The following DCC variants were observed in gnomAD, a reference collection of about 807,000 sequenced individuals.
DCC encodes the protein DCC netrin 1 receptor, also known as netrin receptor DCC.
A neutral mutation model predicts 172.5 loss-of-function variants in DCC; 58 were observed. The observed-to-expected ratio is 0.34, with a 90% CI of 0.27 to 0.42. The LOEUF (loss-of-function observed/expected upper bound fraction) is 0.42, where lower values mean the gene tolerates loss of function less well. Ranked by LOEUF, DCC falls within the 10% of genes least tolerant of loss-of-function variation. DCC has a pLI of 1.00. For synonymous variants in DCC, 709 were observed against 644.5 expected (o/e 1.10, Z -1.52); for missense variants, 1,740 against 1,791.0 (o/e 0.97, Z 0.51).
chr18:52,914,676 G>C (rs1772026251), intron 3 of DCC, among the ~76,000 whole-genome samples: 1 of 151,856 alleles, frequency 6.6e-6, no homozygotes, highest in Non-Finnish European at 1.5e-5. Context: ...GAGTTTCATG[G>C]AATTTTTCAC....
intron 1 of DCC, among the ~76,000 whole-genome samples, chr18:52,393,458 T>C (rs914742629): frequency 6.6e-5 from 10 of 152,058 alleles, no homozygotes; most frequent in African/African-American, 2.4e-4. Context: ...TAGCAATCCA[T>C]ATTTTAATCT....
At chr18:53,172,359 C>T (rs371565428) in intron 8 of DCC, among the ~76,000 whole-genome samples, 31 of 148,496 alleles carry the variant, frequency 2.1e-4, no homozygotes, top group East Asian at 1.5e-3. Flanking sequence ...AAAACTGTTG[C>T]GTACTATACT....
chr18:53,083,395 A>G (rs956605491), intron 7 of DCC, among the ~76,000 whole-genome samples: 3 of 152,180 alleles, frequency 2.0e-5, no homozygotes, highest in Admixed American at 6.6e-5. Flanking sequence ...AACACTGGCA[A>G]TATTAAAAGT....
intron 12 of DCC, among the ~76,000 whole-genome samples, chr18:53,282,050 AG>A (rs1157216948): frequency 2.3e-5 from 3 of 132,596 alleles, no homozygotes; most frequent in Non-Finnish European, 5.0e-5. Flanking sequence ...ATAACTTCCC[AG>A]GGAGAAACAA....
intron 1 of DCC, among the ~76,000 whole-genome samples, chr18:52,387,699 T>A (rs778065163): frequency 1.2e-4 from 18 of 151,616 alleles, no homozygotes; most frequent in Non-Finnish European, 2.4e-4. Flanking sequence ...AGAAGAAGAA[T>A]GTGATATTTC....
At chr18:52,715,778 C>T (rs2036370438) in intron 1 of DCC, among the ~76,000 whole-genome samples, 1 of 152,128 alleles carries the variant, frequency 6.6e-6, no homozygotes, top group Non-Finnish European at 1.5e-5. Flanking sequence ...AATCTACCAT[C>T]CTCTTCCCAC....
Position 52,467,243 on chromosome 18 carries a change from G to A in DCC, c.91+126365G>A, listed in dbSNP as rs548472620. ...CCTGGTGTGTGATGTTCCTCTCCCT[G>A]TGTCCATGTGTTCTCATTGTTCAAC... On this transcript the variant is annotated intron_variant, in intron 1 of 28. Transcript: ENST00000442544. Among the ~76,000 whole-genome samples the A allele has an allele frequency of 4.5e-3, 682 of 151,682 alleles. 2 individuals are homozygous for A. The highest frequency in any genetic ancestry group is 0.024 in the Middle Eastern group (7 of 294).
At chr18:52,558,037 T>C (rs2144734562) in intron 1 of DCC, among the ~76,000 whole-genome samples, 1 of 152,262 alleles carries the variant, frequency 6.6e-6, no homozygotes, top group Non-Finnish European at 1.5e-5. Flanking sequence ...TTTGTGTTCT[T>C]ATGTTTTCCT....
Position 53,128,870 on chromosome 18 carries a change from C to CACACAT in DCC, c.1262-28485_1262-28484insCACATA, listed in dbSNP as rs1300738812. Among the ~76,000 whole-genome samples the CACACAT allele has an allele frequency of 9.8e-3, 760 of 77,354 alleles. 6 individuals carry two copies. Among genetic ancestry groups the CACACAT allele is most frequent in the Non-Finnish European group, 0.013 (581 of 43,266 alleles). The allele number at this position is 77,354 out of a possible 152,430, so 50.7% of individuals were successfully genotyped here. ...ACACACACACACACACACACACACA[C>CACACAT]ATATATATATATATATATATATATA... On this transcript the variant is annotated intron_variant, in intron 7 of 28. Transcript: ENST00000442544.
At chr18:53,216,395 G>C (rs1598914885) in intron 12 of DCC, among the ~76,000 whole-genome samples, 1 of 152,140 alleles carries the variant, frequency 6.6e-6, no homozygotes, top group South Asian at 2.1e-4. Context: ...GGAGACAGCA[G>C]AGAAATGATA....
At chr18:52,967,022 C>T (rs564443025) in intron 5 of DCC, among the ~76,000 whole-genome samples, 2 of 152,268 alleles carry the variant, frequency 1.3e-5, no homozygotes, top group East Asian at 1.9e-4. Context: ...TCACCCTATA[C>T]TAATGGTGAG....
At chr18:53,200,617 G>A (rs2055522189) in intron 9 of DCC, among the ~76,000 whole-genome samples, 1 of 152,140 alleles carries the variant, frequency 6.6e-6, no homozygotes. Context: ...GTGGCCTCAT[G>A]TTTGTTCTTA....
chr18:53,028,203 A>G (rs778881196), intron 5 of DCC, among the ~76,000 whole-genome samples: 2 of 152,124 alleles, frequency 1.3e-5, no homozygotes, highest in Non-Finnish European at 2.9e-5. Flanking sequence ...TGGAAGTGCT[A>G]TTATCCATAT....
At chr18:52,891,167 A>AT (rs964002388) in intron 2 of DCC, among the ~76,000 whole-genome samples, 1 of 152,100 alleles carries the variant, frequency 6.6e-6, no homozygotes, top group African/African-American at 2.4e-5. Context: ...TGGGGTTTTC[A>AT]TTGACTTCTC....
chr18:52,899,028 A>AT (rs1295658211), intron 2 of DCC, among the ~76,000 whole-genome samples: 4 of 151,988 alleles, frequency 2.6e-5, no homozygotes, highest in Admixed American at 6.5e-5. Context: ...TGCCTTATGG[A>AT]TAGCCTCTCC....
At chr18:52,704,358 T>C (rs2036172439) in intron 1 of DCC, among the ~76,000 whole-genome samples, 1 of 152,132 alleles carries the variant, frequency 6.6e-6, no homozygotes, top group African/African-American at 2.4e-5. Context: ...AATTCATTTA[T>C]TTACAAATTG....
chr18:53,213,110 A>T (rs1467405998), intron 11 of DCC, among the ~76,000 whole-genome samples: 1 of 152,220 alleles, frequency 6.6e-6, no homozygotes, highest in Non-Finnish European at 1.5e-5. Context: ...GCCACTTGTA[A>T]ACTCAAATGA....
chr18:53,132,801 C>T (rs1290867721), intron 7 of DCC, among the ~76,000 whole-genome samples: 1 of 152,068 alleles, frequency 6.6e-6, no homozygotes, highest in East Asian at 1.9e-4. Context: ...CAGAGTCCTC[C>T]ACTGATTTAT....
At position 52,730,994 on chromosome 18, in the gene DCC, A is replaced by G. The variant is rs894565526; in HGVS notation, c.92-21060A>G. 2.6e-5 allele frequency among the ~76,000 whole-genome samples: 4 copies of G among 152,192 alleles called. No individual in the cohort carries two copies. In the South Asian group the frequency reaches 8.3e-4, roughly 31 times the overall value. ...ATAAAAGAATAAAATTTGTCCATCT[A>G]TCATTAAGATAATTGTTATTGATTA... On this transcript the variant is annotated intron_variant, in intron 1 of 28. Coordinates refer to ENST00000442544, the MANE Select transcript of DCC (RefSeq NM_005215.4).
Sources: allele counts gnomAD v4.1 joint callset (sites outside exome capture counted in the v4.1 genomes callset), GRCh38; gene constraint gnomAD v4.1.1; transcripts MANE v1.5; gene names NCBI Gene and HGNC (gene_info 2026-07-23, HGNC 2026-07-21).